ABCC5: variants seen among roughly 807,000 people sequenced by gnomAD.
ABCC5 encodes ATP binding cassette subfamily C member 5.
Under a neutral mutation model 160.9 loss-of-function variants are expected in ABCC5, and 61 were observed. That is an observed-to-expected ratio of 0.38 (90% CI 0.31 to 0.47). The LOEUF is 0.47. Ranked by LOEUF, ABCC5 falls within the 20% of genes least tolerant of loss-of-function variation. The pLI is 0.99. For missense variants in ABCC5, 1,308 were observed against 1,813.3 expected, an observed-to-expected ratio of 0.72 and a Z score of 5.06; for synonymous variants, 666 against 700.6, an observed-to-expected ratio of 0.95 and a Z score of 0.78.
intron 17 of ABCC5, among the ~76,000 whole-genome samples, chr3:183,955,959 C>T (rs566121702): frequency 7.0e-6 from 1 of 142,388 alleles, no homozygotes; most frequent in South Asian, 2.2e-4. Flanking sequence ...CAGGCAGATC[C>T]GTGTGTATAT....
chr3:183,999,915 T>C (rs1433710395), intron 2 of ABCC5, among the ~76,000 whole-genome samples: 5 of 152,104 alleles, frequency 3.3e-5, no homozygotes, highest in African/African-American at 4.8e-5. Flanking sequence ...ATAAATTATA[T>C]AGCATACTTA....
At chr3:183,981,980 G>A in intron 7 of ABCC5, 106 bp from the exon 8 acceptor site, 3 of 1,250,316 alleles carry the variant, frequency 2.4e-6, no homozygotes, top group Non-Finnish European at 3.3e-6. Flanking sequence ...AATCCTGCTT[G>A]CTAGGATGGG....
At chr3:183,998,377 A>G (rs749439517) in intron 2 of ABCC5, among the ~76,000 whole-genome samples, 19 of 152,216 alleles carry the variant, frequency 1.2e-4, no homozygotes, top group Non-Finnish European at 1.8e-4. Context: ...TTCCTTGTGT[A>G]CAGCCAAATC....
At chr3:183,928,233 T>C (rs1712799388) in intron 27 of ABCC5, among the ~76,000 whole-genome samples, 1 of 151,734 alleles carries the variant, frequency 6.6e-6, no homozygotes, top group Non-Finnish European at 1.5e-5. Context: ...TGTCTCAGCC[T>C]CCTGAGTAGC....
At position 183,978,564 on chromosome 3, in the gene ABCC5, A is replaced by G. The variant is rs1718423166; in HGVS notation, c.1235T>C (p.Ile412Thr). Residue 412 changes from isoleucine (I) to threonine (T), a missense_variant, in exon 9 of 30, where the codon ATT becomes ACT. Coordinates refer to ENST00000334444, the MANE Select transcript of ABCC5 (RefSeq NM_005688.4). Reference protein sequence around the residue: ...TVGVAPIVVVIASVVTFSVHM... With the variant: ...TVGVAPIVVVTASVVTFSVHM... ...AACAGAGAAGGTCACCACGCTGGCA[A>G]TCACCACCACAATGGGAGCCACACC... The G allele has an allele frequency of 1.2e-6, 2 of 1,614,086 alleles. No homozygotes were observed. Among genetic ancestry groups the G allele is most frequent in the Admixed American group, 1.7e-5 (1 of 60,004 alleles).
intron 26 of ABCC5, among the ~76,000 whole-genome samples, chr3:183,929,959 A>C (rs1005900690): frequency 3.3e-5 from 5 of 152,166 alleles, no homozygotes; most frequent in Admixed American, 6.5e-5. Context: ...TATCTTTGCC[A>C]CTGAGGATGA....
intron 2 of ABCC5, among the ~76,000 whole-genome samples, chr3:184,007,192 T>C (rs1312004817): frequency 2.0e-5 from 3 of 151,704 alleles, no homozygotes; most frequent in Admixed American, 2.0e-4. Flanking sequence ...AGCTAATTTT[T>C]TGTATTTTTA....
Position 183,921,421 on chromosome 3 carries a change from C to A in ABCC5, c.4213-20G>T. The A allele has an allele frequency of 1.2e-6, 2 of 1,609,764 alleles. No homozygotes were observed. The highest frequency in any genetic ancestry group is 1.7e-6 in the Non-Finnish European group (2 of 1,178,006). ...CACCACCTGCAAAAGAAGGAGACGC[C>A]GTCAGGACACAGCTCTGGGTCATGC... On this transcript the variant is annotated intron_variant, in intron 29 of 29. Transcript: ENST00000334444. This position sits in a 1 kb window ranked among gnomAD's most constrained non-coding sequence, Gnocchi z 4.1.
In ABCC5 at chr3:184,017,351, T is replaced by G. The variant is rs1722273171; in HGVS notation, c.-56+479A>C. 6.6e-6 allele frequency: 1 copy of G among 152,220 alleles called. No individual in the cohort carries two copies. Among genetic ancestry groups the G allele is most frequent in the African/African-American group, 2.4e-5 (1 of 41,458 alleles). The allele number at this position is 152,220 out of a possible 1,614,324, so 9.4% of individuals were successfully genotyped here. A position where few individuals can be genotyped will look rare whatever the true frequency, so the allele number is the denominator to read the frequency against. ...TGCAAAAACGAAGGGGATGACTTACTTCGAAGGTCGCTGGCGGCTCCGCTG... is the reference window on the plus strand; with the variant it reads ...TGCAAAAACGAAGGGGATGACTTACGTCGAAGGTCGCTGGCGGCTCCGCTG... On this transcript the variant is annotated intron_variant, in intron 1 of 29. Transcript: ENST00000334444. This position sits in a 1 kb window ranked among gnomAD's most constrained non-coding sequence, Gnocchi z 4.5.
At chr3:183,948,338 T>G (rs1003201671) in intron 22 of ABCC5, among the ~76,000 whole-genome samples, 5 of 152,224 alleles carry the variant, frequency 3.3e-5, no homozygotes, top group Non-Finnish European at 7.3e-5. Context: ...GATATTCCGC[T>G]GCATTTCCTC....
At chr3:183,961,717 C>T in intron 15 of ABCC5, 63 bp from the exon 16 acceptor site, 1 of 1,593,626 alleles carries the variant, frequency 6.3e-7, no homozygotes, top group Non-Finnish European at 8.6e-7. Context: ...AAAACCCATA[C>T]ATTAGTTCAG....
At chr3:184,006,674 A>T (rs542198319) in intron 2 of ABCC5, among the ~76,000 whole-genome samples, 1 of 152,306 alleles carries the variant, frequency 6.6e-6, no homozygotes, top group South Asian at 2.1e-4. Context: ...TAATGAGCCC[A>T]TATTTCTTTC....
rs553333244 is a variant in ABCC5 at position 183,982,065 on chromosome 3, A to C, written c.1000-191T>G. ...TGTAATAAAACATTACTGAATTCTTATCTCTTTATAAGGCAATGAAGACAA... is the reference window on the plus strand; with the variant it reads ...TGTAATAAAACATTACTGAATTCTTCTCTCTTTATAAGGCAATGAAGACAA... On this transcript the variant is annotated intron_variant, in intron 7 of 29. Transcript: ENST00000334444. This position sits in a 1 kb window ranked among gnomAD's most constrained non-coding sequence, Gnocchi z 5.2. Among the ~76,000 whole-genome samples the C allele has an allele frequency of 6.6e-6, 1 of 152,298 alleles. No individual in the cohort carries two copies. Among genetic ancestry groups the C allele is most frequent in the East Asian group, 1.9e-4 (1 of 5,190 alleles).
chr3:183,930,864 C>T (rs1462044402), intron 26 of ABCC5, among the ~76,000 whole-genome samples: 4 of 152,174 alleles, frequency 2.6e-5, no homozygotes, highest in Non-Finnish European at 5.9e-5. Flanking sequence ...TTTATGACAG[C>T]CCCAGGAAAC....
chr3:183,984,960 A>G (rs1260665279), intron 5 of ABCC5: 25 of 1,373,794 alleles, frequency 1.8e-5, no homozygotes, highest in Non-Finnish European at 2.3e-5. Flanking sequence ...GCCATTTTTC[A>G]GCACTGGGTA....
At chr3:183,952,965 ATC>A in intron 18 of ABCC5, 119 bp downstream of exon 18, 1 of 1,186,218 alleles carries the variant, frequency 8.4e-7, no homozygotes, top group Non-Finnish European at 1.2e-6. Flanking sequence ...TCCTGGAAAA[ATC>A]TCTCTTTACA....
intron 26 of ABCC5, among the ~76,000 whole-genome samples, chr3:183,936,306 T>C (rs1308983296): frequency 1.3e-5 from 2 of 152,048 alleles, no homozygotes; most frequent in East Asian, 3.9e-4. Flanking sequence ...TAAATTTCTG[T>C]TGTTTAAGCC....
intron 24 of ABCC5, among the ~76,000 whole-genome samples, chr3:183,943,720 G>C (rs1018560009): frequency 6.6e-6 from 1 of 152,200 alleles, no homozygotes; most frequent in Non-Finnish European, 1.5e-5. Context: ...TGTTGGGACA[G>C]TCAGTGGGAG....
At position 183,945,901 on chromosome 3, in the gene ABCC5, A is replaced by G. The variant is rs528691810; in HGVS notation, c.3453T>C (p.Ser1151=). 3.7e-6 allele frequency: 6 copies of G among 1,614,178 alleles called. No individual in the cohort carries two copies. In the East Asian group the frequency reaches 1.3e-4, roughly 36 times the overall value. The change falls in exon 24 of 30, where the codon TCT becomes TCC. Residue 1151 remains serine (S), a synonymous_variant. Coordinates refer to ENST00000334444, the MANE Select transcript of ABCC5 (RefSeq NM_005688.4). ...CCGAGGTGAATCGAGCTTCTGTCTCAGATGCCAGTCTGACCGTAAACTGGA... is the reference window on the plus strand; with the variant it reads ...CCGAGGTGAATCGAGCTTCTGTCTCGGATGCCAGTCTGACCGTAAACTGGA... The part of the protein sequence containing the change: ...GLFQFTVRLA[S]ETEARFTSVE...
Sources: allele counts gnomAD v4.1 joint callset (sites outside exome capture counted in the v4.1 genomes callset), GRCh38; gene constraint gnomAD v4.1.1; non-coding constraint Gnocchi (gnomAD v3.1); transcripts MANE v1.5; gene names NCBI Gene and HGNC (gene_info 2026-07-23, HGNC 2026-07-21).